The following CTDP1 variants were observed in gnomAD, a reference collection of about 807,000 sequenced individuals.
The protein encoded by CTDP1 is CTD phosphatase 1, also known as RNA polymerase II subunit A C-terminal domain phosphatase.
CTDP1 carries 47 observed loss-of-function variants against 91.8 expected under a neutral mutation model. That is an observed-to-expected ratio of 0.51 (90% confidence interval 0.41 to 0.65). CTDP1 has a LOEUF of 0.65. Among genes scored for constraint, CTDP1 ranks in the 30% least tolerant of loss-of-function variants. The pLI is 0.00. For missense variants in CTDP1, 1,272 were observed against 1,373.7 expected, an observed-to-expected ratio of 0.93 and a Z score of 1.17; for synonymous variants, 656 against 598.5, an observed-to-expected ratio of 1.10 and a Z score of -1.40.
chr18:79,688,703 C>CT (rs2085559045), intron 1 of CTDP1, among the ~76,000 whole-genome samples: 2 of 152,138 alleles, frequency 1.3e-5, no homozygotes, highest in Non-Finnish European at 2.9e-5. Flanking sequence ...CCCAGCCACA[C>CT]CCGGCTAATT....
rs905227726 is a variant in CTDP1 at position 79,713,537 on chromosome 18, G to T, written c.1030+399G>T. Reference sequence around the variant, plus strand: ...ACCGTTCCCCATGCGCAGTGGTCAGGCTGGGCGCTGGCTGGGGCCCCAGAG... The same window carrying T: ...ACCGTTCCCCATGCGCAGTGGTCAGTCTGGGCGCTGGCTGGGGCCCCAGAG... On this transcript the variant is annotated intron_variant, in intron 7 of 12. Coordinates refer to ENST00000613122, the MANE Select transcript of CTDP1 (RefSeq NM_004715.5). The surrounding 1 kb of genome is among the most constrained non-coding windows in gnomAD (Gnocchi z 4.7). 3.3e-5 allele frequency among the ~76,000 whole-genome samples: 5 copies of T among 152,234 alleles called. No individual in the cohort carries two copies. Among genetic ancestry groups the T allele is most frequent in the African/African-American group, 1.2e-4 (5 of 41,460 alleles).
At chr18:79,724,214 G>T (rs1356344201) in intron 10 of CTDP1, among the ~76,000 whole-genome samples, 1 of 152,220 alleles carries the variant, frequency 6.6e-6, no homozygotes, top group Non-Finnish European at 1.5e-5. Context: ...GCCCGTAAGT[G>T]TAACACAGAT....
intron 1 of CTDP1, among the ~76,000 whole-genome samples, chr18:79,693,936 T>TC (rs2085679781): frequency 6.6e-6 from 1 of 151,356 alleles, no homozygotes; most frequent in East Asian, 1.9e-4. Flanking sequence ...CCTCCCAGTC[T>TC]CCCAGCACAG....
chr18:79,723,739 C>T (rs1379264948), intron 10 of CTDP1, among the ~76,000 whole-genome samples: 3 of 152,232 alleles, frequency 2.0e-5, no homozygotes, highest in Non-Finnish European at 4.4e-5. Context: ...ACACAGAACC[C>T]TCACACCAGC....
chr18:79,726,880 C>G (rs1468142182), intron 10 of CTDP1, among the ~76,000 whole-genome samples: 1 of 78,100 alleles, frequency 1.3e-5, no homozygotes, highest in Non-Finnish European at 2.8e-5. Flanking sequence ...GGTGGGGTGA[C>G]GCCGTTGCTG....
At position 79,753,847 on chromosome 18, in the gene CTDP1, C is replaced by A; in HGVS notation, c.*57C>A. On this transcript the variant is annotated 3_prime_UTR_variant, in exon 13 of 13. Transcript: ENST00000613122. ...CCGACCTCCAGCAGCACTCGGACGT[C>A]CCCGGACCAGCCCTCAGTCTCGGTC... 1 of 1,585,226 alleles carries A rather than the reference C, an allele frequency of 6.3e-7. No individual in the cohort carries two copies. Among genetic ancestry groups the A allele is most frequent in the East Asian group, 2.3e-5 (1 of 43,504 alleles).
At chr18:79,694,114 C>T (rs569890306) in intron 1 of CTDP1, among the ~76,000 whole-genome samples, 82 of 150,008 alleles carry the variant, frequency 5.5e-4, no homozygotes, top group African/African-American at 1.7e-3. Flanking sequence ...GTCTCATGTC[C>T]GCGGGTCAGG....
Position 79,710,430 on chromosome 18 carries a change from A to G in CTDP1, c.857A>G (p.Asn286Ser). The change falls in exon 6 of 13, where the codon AAC becomes AGC. Residue 286 changes from asparagine to serine, a missense_variant. This residue lies in a region of CTDP1 where 177 missense variants were observed against 283.0 expected (regional missense o/e 0.63). Transcript: ENST00000613122. The part of the protein sequence containing the change: ...ECIDPFSKTG[N>S]LRNLFPCGDS... The stretch of plus-strand genomic sequence containing the variant: ...ATTGACCCATTTTCTAAAACGGGAA[A>G]CCTTAGGTATGTACCCAGCCGCGCT... 5 of 1,612,652 alleles carry G rather than the reference A, an allele frequency of 3.1e-6. No homozygotes were observed. Among genetic ancestry groups the G allele is most frequent in the South Asian group, 1.1e-5 (1 of 91,032 alleles).
intron 11 of CTDP1, among the ~76,000 whole-genome samples, chr18:79,732,695 T>C (rs1165245436): frequency 7.4e-6 from 1 of 135,978 alleles, no homozygotes; most frequent in South Asian, 2.3e-4. Context: ...CACTTGAGAC[T>C]TGAGAACTCG....
At chr18:79,679,462 G>A (rs1239540619), upstream of CTDP1, 8 of 456,276 alleles carry the variant, frequency 1.8e-5, no homozygotes, top group Non-Finnish European at 3.5e-5. Flanking sequence ...GGGATGCTGG[G>A]TCTCAGCGCG....
intron 7 of CTDP1, among the ~76,000 whole-genome samples, chr18:79,714,259 C>T (rs535580767): frequency 2.0e-5 from 3 of 152,182 alleles, no homozygotes; most frequent in South Asian, 2.1e-4. Context: ...GTAAGTTTAA[C>T]GCAAATACTC....
chr18:79,698,158 G>C (rs1417080558), intron 4 of CTDP1, among the ~76,000 whole-genome samples, 170 bp downstream of exon 4: 1 of 152,220 alleles, frequency 6.6e-6, no homozygotes, highest in Non-Finnish European at 1.5e-5. Flanking sequence ...GGGCTGTTGG[G>C]GAGCATCCGC....
chr18:79,679,285 CG>C (rs373842031), upstream of CTDP1: 53 of 399,568 alleles, frequency 1.3e-4, no homozygotes, highest in Middle Eastern at 6.3e-4. Flanking sequence ...GCGTGGGGTC[CG>C]GGGGGGGACA....
chr18:79,727,449 C>T (rs920222641), intron 10 of CTDP1, among the ~76,000 whole-genome samples: 3 of 151,346 alleles, frequency 2.0e-5, no homozygotes, highest in East Asian at 1.9e-4. Context: ...CTGGCATTCA[C>T]GGTGTTCGTG....
chr18:79,754,244 T>G lies in CTDP1; in HGVS notation c.*454T>G. ...GCCTGGAACCCCCGCCGCCTGCTGC[T>G]CCCTCCTAGGGAACCCATTTCCGGG... is the stretch of plus-strand genomic sequence containing the variant. On this transcript the variant is annotated 3_prime_UTR_variant, in exon 13 of 13. Transcript: ENST00000613122. 4.3e-6 allele frequency: 1 copy of G among 233,134 alleles called. No homozygotes were observed. The highest frequency in any genetic ancestry group is 8.7e-6 in the Non-Finnish European group (1 of 115,568). 14.4% of individuals were successfully genotyped at this position (233,134 alleles called of 1,614,324 possible). A position where few individuals can be genotyped will look rare whatever the true frequency, so the allele number is the denominator to read the frequency against.
intron 12 of CTDP1, among the ~76,000 whole-genome samples, chr18:79,744,158 CCTTT>C (rs2086835026): frequency 6.6e-6 from 1 of 152,222 alleles, no homozygotes; most frequent in African/African-American, 2.4e-5. Flanking sequence ...AGCTGTCCCA[CCTTT>C]CCAGAGTGAA....
At chr18:79,694,821 C>T (rs1264172280) in intron 1 of CTDP1, among the ~76,000 whole-genome samples, 1 of 152,238 alleles carries the variant, frequency 6.6e-6, no homozygotes, top group Non-Finnish European at 1.5e-5. Flanking sequence ...GCATCAGCCT[C>T]TGTCTAGACT....
In CTDP1 at chr18:79,697,745, G is replaced by A. The variant is rs143482582; in HGVS notation, c.493-115G>A. On this transcript the variant is annotated intron_variant, in intron 3 of 12. Transcript: ENST00000613122. ...GCCTGTACGGCGCAGTCCATGGAGC[G>A]TGGGGGGCTGGAGGGGAACACATTG... 1.9e-4 allele frequency: 291 copies of A among 1,492,850 alleles called. No individual in the cohort carries two copies. In the African/African-American group the frequency reaches 3.1e-3, roughly 16 times the overall value. The allele number at this position is 1,492,850 out of a possible 1,614,324, so 92.5% of individuals were successfully genotyped here.
upstream of CTDP1, among the ~76,000 whole-genome samples, chr18:79,676,933 A>G (rs2085263699): frequency 6.6e-6 from 1 of 152,234 alleles, no homozygotes; most frequent in African/African-American, 2.4e-5. Context: ...TAGCATCTCT[A>G]ATTGGAAGAC....
Sources: allele counts gnomAD v4.1 joint callset (sites outside exome capture counted in the v4.1 genomes callset), GRCh38; gene constraint gnomAD v4.1.1; regional missense constraint gnomAD v4.1.1; non-coding constraint Gnocchi (gnomAD v3.1); transcripts MANE v1.5; gene names NCBI Gene and HGNC (gene_info 2026-07-23, HGNC 2026-07-21).